Variants in CAMTA1 observed in about 807,000 individuals in gnomAD.
CAMTA1 encodes the protein calmodulin-binding transcription activator 1.
CAMTA1 carries 27 observed loss-of-function variants against 170.9 expected under a neutral mutation model. The ratio of observed to expected loss-of-function variants is 0.16; its 90% confidence interval spans 0.12 to 0.22. CAMTA1 has a LOEUF of 0.22. Ranked by LOEUF, CAMTA1 falls within the 10% of genes least tolerant of loss-of-function variation. The probability of loss-of-function intolerance (pLI) is 1.00; values close to 1 mark genes in which losing one functional copy is unlikely to be tolerated. For missense variants in CAMTA1, 1,619 were observed against 2,217.2 expected (o/e 0.73, Z 5.42); for synonymous variants, 833 against 891.5 (o/e 0.93, Z 1.17).
chr1:7,475,623 C>T lies in CAMTA1; in HGVS notation c.510+7722C>T, dbSNP rs146147781. 4.6e-5 allele frequency among the ~76,000 whole-genome samples: 7 copies of T among 152,320 alleles called. No individual in the cohort carries two copies. In the East Asian group the frequency reaches 5.8e-4, roughly 13 times the overall value. On this transcript the variant is annotated intron_variant, in intron 6 of 22. Coordinates refer to ENST00000303635, the MANE Select transcript of CAMTA1 (RefSeq NM_015215.4). ...GCTGATGCCGAGGTGCCCCTATACA[C>T]GCTCACCACCGTGCATGGCTCAGGA...
At chr1:7,159,657 C>T (rs535311255) in intron 4 of CAMTA1, among the ~76,000 whole-genome samples, 166 of 152,296 alleles carry the variant, frequency 1.1e-3, no homozygotes, top group African/African-American at 3.8e-3. Flanking sequence ...AATCCTCCCA[C>T]CTCAGTCTCG....
At chr1:6,921,437 C>T (rs918883596) in intron 3 of CAMTA1, among the ~76,000 whole-genome samples, 5 of 152,202 alleles carry the variant, frequency 3.3e-5, no homozygotes, top group Non-Finnish European at 5.9e-5. Flanking sequence ...AACTTTTGCA[C>T]GTTTTCCTGT....
chr1:6,889,879 T>G (rs931474568), intron 3 of CAMTA1, among the ~76,000 whole-genome samples: 1 of 152,210 alleles, frequency 6.6e-6, no homozygotes, highest in Admixed American at 6.5e-5. Flanking sequence ...TTTAGTATTT[T>G]CTGCTGCTGC....
At chr1:7,351,441 C>G (rs1193268345) in intron 5 of CAMTA1, among the ~76,000 whole-genome samples, 1 of 152,244 alleles carries the variant, frequency 6.6e-6, no homozygotes, top group Non-Finnish European at 1.5e-5. Context: ...TCCCACGACT[C>G]AGTGGTCACT....
At chr1:7,021,075 C>A (rs561236242) in intron 3 of CAMTA1, among the ~76,000 whole-genome samples, 2 of 152,190 alleles carry the variant, frequency 1.3e-5, no homozygotes, top group Non-Finnish European at 2.9e-5. Context: ...GGGACCTGCC[C>A]GGGGGCTCCA....
chr1:7,463,365 G>A lies in CAMTA1; in HGVS notation c.439-4465G>A, dbSNP rs2093136261. Among the ~76,000 whole-genome samples, 1 of 151,542 alleles carries A rather than the reference G, an allele frequency of 6.6e-6. No homozygotes were observed. The highest frequency in any genetic ancestry group is 1.5e-5 in the Non-Finnish European group (1 of 67,870). On this transcript the variant is annotated intron_variant, in intron 5 of 22. Coordinates refer to ENST00000303635, the MANE Select transcript of CAMTA1 (RefSeq NM_015215.4). The surrounding 1 kb of genome is among the most constrained non-coding windows in gnomAD (Gnocchi z 4.7). ...GAGAGACAGAGAGACAGAGAAAGATGGAGAGAGATAGCAGGAGAGACAGAG... is the reference window on the plus strand; with the variant it reads ...GAGAGACAGAGAGACAGAGAAAGATAGAGAGAGATAGCAGGAGAGACAGAG...
intron 5 of CAMTA1, among the ~76,000 whole-genome samples, chr1:7,252,693 C>T (rs184142285): frequency 1.3e-5 from 2 of 152,336 alleles, no homozygotes; most frequent in Admixed American, 1.3e-4. Flanking sequence ...CGCCAGCCAG[C>T]TACTCTTCTG....
intron 6 of CAMTA1, among the ~76,000 whole-genome samples, chr1:7,639,200 C>T (rs1027028640): frequency 3.3e-5 from 5 of 151,904 alleles, no homozygotes; most frequent in South Asian, 2.1e-4. Context: ...AGGATGGTCT[C>T]GATCTTCTGA....
chr1:7,436,568 G>A (rs1332270403), intron 5 of CAMTA1, among the ~76,000 whole-genome samples: 1 of 152,192 alleles, frequency 6.6e-6, no homozygotes, highest in Non-Finnish European at 1.5e-5. Context: ...GGGAGGAGCA[G>A]GGTGAGGTCG....
At chr1:7,650,636 T>A (rs115862281) in intron 7 of CAMTA1, among the ~76,000 whole-genome samples, 2,052 of 152,226 alleles carry the variant, frequency 0.013, 50 homozygotes, top group African/African-American at 0.045. Flanking sequence ...ACAGGCTCAC[T>A]GGGGACACGG....
At chr1:7,119,981 T>A (rs1644548109) in intron 4 of CAMTA1, among the ~76,000 whole-genome samples, 1 of 152,070 alleles carries the variant, frequency 6.6e-6, no homozygotes, top group Non-Finnish European at 1.5e-5. Context: ...TTCGACCAAC[T>A]GTCACATTTA....
intron 5 of CAMTA1, among the ~76,000 whole-genome samples, chr1:7,457,610 T>C (rs1557747869): frequency 6.6e-6 from 1 of 152,154 alleles, no homozygotes; most frequent in Non-Finnish European, 1.5e-5. Flanking sequence ...TTACCTCTGC[T>C]CCCATTTTGC....
intron 5 of CAMTA1, among the ~76,000 whole-genome samples, chr1:7,294,047 A>G (rs752697689): frequency 6.6e-6 from 1 of 152,200 alleles, no homozygotes; most frequent in South Asian, 2.1e-4. Context: ...CCTCATTTCT[A>G]TGCAGAGGGC....
intron 4 of CAMTA1, among the ~76,000 whole-genome samples, chr1:7,125,527 C>G (rs1393590757): frequency 6.6e-6 from 1 of 152,096 alleles, no homozygotes; most frequent in East Asian, 1.9e-4. Flanking sequence ...TCCATAGGCA[C>G]CTACGGAAAC....
At chr1:7,127,247 C>CT (rs61211407) in intron 4 of CAMTA1, among the ~76,000 whole-genome samples, 37,374 of 73,448 alleles carry the variant, frequency 0.51, 10,789 homozygotes, top group Non-Finnish European at 0.52. Context: ...GCCAGAGGGG[C>CT]TTTTTTTTTT....
At chr1:7,226,731 A>G (rs1042023035) in intron 4 of CAMTA1, among the ~76,000 whole-genome samples, 1 of 152,160 alleles carries the variant, frequency 6.6e-6, no homozygotes, top group Non-Finnish European at 1.5e-5. Context: ...AGCTCTTTCC[A>G]TGTTAACAAA....
chr1:7,043,745 C>T (rs1240104062), intron 3 of CAMTA1, among the ~76,000 whole-genome samples: 2 of 152,068 alleles, frequency 1.3e-5, no homozygotes, highest in Non-Finnish European at 2.9e-5. Flanking sequence ...GGGTGGCTCA[C>T]GGGAGAACAT....
chr1:7,549,265 G>C (rs1010114921), intron 6 of CAMTA1, among the ~76,000 whole-genome samples: 2 of 150,888 alleles, frequency 1.3e-5, no homozygotes, highest in African/African-American at 4.9e-5. Context: ...GGTGCCCATG[G>C]AGGGTCCCTC....
At chr1:6,789,120 T>C (rs1273853355) in intron 1 of CAMTA1, among the ~76,000 whole-genome samples, 1 of 152,204 alleles carries the variant, frequency 6.6e-6, no homozygotes, top group Non-Finnish European at 1.5e-5. Flanking sequence ...CTCCATCTCA[T>C]CATTGAGTGG....
Sources: allele counts gnomAD v4.1 joint callset (sites outside exome capture counted in the v4.1 genomes callset), GRCh38; gene constraint gnomAD v4.1.1; non-coding constraint Gnocchi (gnomAD v3.1); transcripts MANE v1.5; gene names NCBI Gene and HGNC (gene_info 2026-07-23, HGNC 2026-07-21).